Variants in EPC2 observed in about 807,000 individuals in gnomAD.
EPC2 encodes the protein enhancer of polycomb 2.
In EPC2, 14 loss-of-function variants were observed where a neutral mutation model predicts 92.1. The observed-to-expected ratio is 0.15, with a 90% CI of 0.10 to 0.24. The LOEUF (loss-of-function observed/expected upper bound fraction) is 0.24. EPC2 is among the 10% of genes least tolerant of loss of function. The pLI, the probability that EPC2 is intolerant of heterozygous loss-of-function variation, is 1.00. For synonymous variants in EPC2, 340 were observed against 334.7 expected (o/e 1.02, Z -0.17); for missense variants, 755 against 971.5 (o/e 0.78, Z 2.96).
chr2:148,727,424 T>G (rs1175860646), intron 2 of EPC2, among the ~76,000 whole-genome samples: 1 of 152,206 alleles, frequency 6.6e-6, no homozygotes, highest in East Asian at 1.9e-4. Flanking sequence ...ATTCACTTCC[T>G]TACTAACATT....
chr2:148,677,183 G>C (rs1681284308), intron 1 of EPC2, among the ~76,000 whole-genome samples: 1 of 151,970 alleles, frequency 6.6e-6, no homozygotes, highest in Non-Finnish European at 1.5e-5. Flanking sequence ...TGGTTTTTTG[G>C]TTTGAGAGAC....
Position 148,783,620 on chromosome 2 carries a change from G to A in EPC2, c.1881G>A (p.Met627Ile). ...AGGGCTCAAGCACCTCTGACTGTATGTCTAAAACACTTGACTCAGCCAGCG... is the reference window on the plus strand; with the variant it reads ...AGGGCTCAAGCACCTCTGACTGTATATCTAAAACACTTGACTCAGCCAGCG... ...KAQGSSTSDC[M>I]SKTLDSASAH... Residue 627 changes from methionine (M) to isoleucine (I), a missense_variant, in exon 12 of 14, where the codon ATG (methionine) becomes ATA (isoleucine). Coordinates refer to ENST00000258484, the MANE Select transcript of EPC2 (RefSeq NM_015630.4). 1.9e-6 allele frequency: 3 copies of A among 1,607,930 alleles called. No homozygotes were observed. Among genetic ancestry groups the A allele is most frequent in the Non-Finnish European group, 2.5e-6 (3 of 1,176,958 alleles).
chr2:148,706,364 C>A (rs544317206), intron 2 of EPC2, among the ~76,000 whole-genome samples: 1 of 152,236 alleles, frequency 6.6e-6, no homozygotes, highest in South Asian at 2.1e-4. Context: ...ACCAAATCTA[C>A]CTGTGATTGG....
chr2:148,718,266 G>A (rs1004298256), intron 2 of EPC2, among the ~76,000 whole-genome samples: 9 of 152,102 alleles, frequency 5.9e-5, no homozygotes, highest in Admixed American at 2.0e-4. Context: ...TCTTATGTGC[G>A]GATTTGATTC....
At chr2:148,674,760 G>A (rs578214405) in intron 1 of EPC2, among the ~76,000 whole-genome samples, 1 of 152,184 alleles carries the variant, frequency 6.6e-6, no homozygotes, top group Non-Finnish European at 1.5e-5. Flanking sequence ...CCATTTCAAT[G>A]CACGTGTTCC....
intron 3 of EPC2, among the ~76,000 whole-genome samples, chr2:148,745,239 C>T (rs1682962988): frequency 6.6e-6 from 1 of 151,940 alleles, no homozygotes; most frequent in African/African-American, 2.4e-5. Flanking sequence ...TGTAAATTTT[C>T]TTAGCAATCC....
chr2:148,704,933 G>C (rs1207843241), intron 2 of EPC2, among the ~76,000 whole-genome samples: 1 of 143,750 alleles, frequency 7.0e-6, no homozygotes, highest in Non-Finnish European at 1.5e-5. Context: ...AATTTTGTTT[G>C]AGTGTTTTTA....
At chr2:148,693,967 T>C (rs976748654) in intron 2 of EPC2, among the ~76,000 whole-genome samples, 4 of 152,188 alleles carry the variant, frequency 2.6e-5, no homozygotes, top group Non-Finnish European at 5.9e-5. Context: ...GCAGAGTTTA[T>C]TGAGAGAAGG....
At chr2:148,690,118 C>A in intron 1 of EPC2, 96 bp from the exon 2 acceptor site, 2 of 1,155,770 alleles carry the variant, frequency 1.7e-6, no homozygotes, top group Non-Finnish European at 2.4e-6. Flanking sequence ...ATTCTTAAAG[C>A]ACTTTGTGAT....
intron 2 of EPC2, among the ~76,000 whole-genome samples, chr2:148,743,055 A>G (rs1682910045): frequency 6.6e-6 from 1 of 152,190 alleles, no homozygotes; most frequent in Non-Finnish European, 1.5e-5. Flanking sequence ...CCCGTGCAAC[A>G]TTCCCACCCT....
At chr2:148,698,843 A>ATTT (rs1558813040) in intron 2 of EPC2, among the ~76,000 whole-genome samples, 2 of 117,786 alleles carry the variant, frequency 1.7e-5, no homozygotes, top group African/African-American at 5.7e-5. Context: ...TTTTTTTTTA[A>ATTT]AAAAAAAGCA....
At chr2:148,761,656 T>C in intron 4 of EPC2, 126 bp from the exon 5 acceptor site, 1 of 573,026 alleles carries the variant, frequency 1.7e-6, no homozygotes, top group Non-Finnish European at 2.9e-6. Context: ...CATAGGTTGC[T>C]GTTCAGATTT....
chr2:148,693,241 G>C (rs1681677799), intron 2 of EPC2, among the ~76,000 whole-genome samples: 1 of 152,076 alleles, frequency 6.6e-6, no homozygotes, highest in Admixed American at 6.6e-5. Context: ...ATAGATTAGA[G>C]AGAATCCCCA....
chr2:148,761,974 A>G, intron 5 of EPC2, 44 bp downstream of exon 5: 1 of 1,504,938 alleles, frequency 6.6e-7, no homozygotes, highest in Admixed American at 2.6e-5. Context: ...AACTTTACCA[A>G]ATGATGGGCA....
At chr2:148,738,810 A>G (rs1165222591) in intron 2 of EPC2, among the ~76,000 whole-genome samples, 1 of 152,204 alleles carries the variant, frequency 6.6e-6, no homozygotes, top group Non-Finnish European at 1.5e-5. Context: ...TGGACATAAA[A>G]TTTCAGCTTT....
At chr2:148,696,968 A>C (rs1681760208) in intron 2 of EPC2, among the ~76,000 whole-genome samples, 1 of 152,262 alleles carries the variant, frequency 6.6e-6, no homozygotes, top group Non-Finnish European at 1.5e-5. Context: ...TTATGGGTAA[A>C]AGATAGTAAA....
chr2:148,715,765 C>T (rs944635912), intron 2 of EPC2, among the ~76,000 whole-genome samples: 1 of 152,106 alleles, frequency 6.6e-6, no homozygotes, highest in East Asian at 1.9e-4. Context: ...TGAAGAATGT[C>T]AATGGTAGTT....
chr2:148,708,897 G>A (rs1271617246), intron 2 of EPC2, among the ~76,000 whole-genome samples: 2 of 152,126 alleles, frequency 1.3e-5, no homozygotes, highest in African/African-American at 4.8e-5. Flanking sequence ...CATAGTGAAT[G>A]GGCAAAAACT....
At chr2:148,776,336 A>G (rs116606476) in intron 10 of EPC2, among the ~76,000 whole-genome samples, 3,987 of 152,292 alleles carry the variant, frequency 0.026, 58 homozygotes, top group East Asian at 0.032. Flanking sequence ...TGAAATTTCA[A>G]TTGTAAATAT....
Sources: gnomAD v4.1 joint callset for allele counts (sites outside exome capture counted in the v4.1 genomes callset) on GRCh38, gnomAD v4.1.1 for gene constraint, MANE v1.5 for transcripts, NCBI Gene and HGNC (gene_info 2026-07-23, HGNC 2026-07-21) for gene names.